Variants in GPHN observed in about 807,000 individuals in gnomAD.
GPHN encodes gephyrin.
GPHN carries 17 observed loss-of-function variants against 95.5 expected under a neutral mutation model. The ratio of observed to expected loss-of-function variants is 0.18; its 90% CI spans 0.12 to 0.27. GPHN has a LOEUF of 0.27. Ranked by LOEUF, GPHN falls within the 10% of genes least tolerant of loss-of-function variation. The probability of loss-of-function intolerance (pLI) is 1.00; values close to 1 mark genes in which losing one functional copy is unlikely to be tolerated. For synonymous variants in GPHN, 320 were observed against 322.5 expected (o/e 0.99, Z 0.08); for missense variants, 660 against 978.1 (o/e 0.67, Z 4.34).
intron 21 of GPHN, among the ~76,000 whole-genome samples, chr14:67,176,349 C>T (rs982840930): frequency 6.6e-6 from 1 of 152,052 alleles, no homozygotes; most frequent in South Asian, 2.1e-4. Context: ...TGGTTTTTGT[C>T]GTTGGTTCTG....
At chr14:66,783,001 A>G (rs886601748) in intron 3 of GPHN, among the ~76,000 whole-genome samples, 9 of 152,196 alleles carry the variant, frequency 5.9e-5, no homozygotes, top group Non-Finnish European at 2.9e-5. Context: ...TGGACAGGAT[A>G]CTGAAGAAAG....
the GPHN span, chr14:67,674,560 G>A: frequency 7.2e-7 from 1 of 1,389,934 alleles, no homozygotes; most frequent in African/African-American, 1.5e-5. Context: ...CCGGCGGTCA[G>A]CCGCCCAGCC....
At chr14:66,917,412 T>C (rs1180665800) in intron 6 of GPHN, among the ~76,000 whole-genome samples, 1 of 152,168 alleles carries the variant, frequency 6.6e-6, no homozygotes, top group Non-Finnish European at 1.5e-5. Flanking sequence ...TAAGAAACAA[T>C]GTCATCTCTT....
intron 1 of GPHN, among the ~76,000 whole-genome samples, chr14:66,651,808 A>G (rs1021303898): frequency 6.6e-6 from 1 of 151,804 alleles, no homozygotes; most frequent in African/African-American, 2.4e-5. Context: ...TAAGCAACAC[A>G]TTTTGGGCGT....
intron 9 of GPHN, among the ~76,000 whole-genome samples, chr14:67,002,120 A>G (rs1341199988): frequency 1.3e-5 from 2 of 151,664 alleles, no homozygotes; most frequent in East Asian, 3.9e-4. Context: ...AAAGATGTTG[A>G]CATTCTATAT....
chr14:67,667,368 C>T, the GPHN span, among the ~76,000 whole-genome samples: 1 of 152,104 alleles, frequency 6.6e-6, no homozygotes, highest in Non-Finnish European at 1.5e-5. Flanking sequence ...GACTTACACC[C>T]TTTATTTGTA....
the GPHN span, among the ~76,000 whole-genome samples, chr14:67,216,004 T>G: frequency 1.3e-5 from 2 of 152,186 alleles, no homozygotes; most frequent in Non-Finnish European, 2.9e-5. Context: ...CTTTATTTTT[T>G]GCGTGCAGTT....
chr14:67,019,994 G>A (rs2073519603), intron 9 of GPHN, among the ~76,000 whole-genome samples: 1 of 152,120 alleles, frequency 6.6e-6, no homozygotes. Context: ...TGTACAAGTG[G>A]GGTGGAGGGT....
intron 18 of GPHN, among the ~76,000 whole-genome samples, chr14:67,146,525 C>A (rs2080906109): frequency 6.6e-6 from 1 of 152,120 alleles, no homozygotes; most frequent in East Asian, 1.9e-4. Flanking sequence ...AACTGGACAC[C>A]AGTGACCTTT....
chr14:67,515,289 C>CCCCACGCCGCCTGGCACT, the GPHN span: 2 of 153,404 alleles, frequency 1.3e-5, no homozygotes, highest in Non-Finnish European at 2.9e-5. Flanking sequence ...GCCGTGCCTC[C>CCCCACGCCGCCTGGCACT]CCCACGCCGC....
intron 1 of GPHN, among the ~76,000 whole-genome samples, chr14:66,562,359 G>T (rs1338771828): frequency 1.3e-5 from 2 of 152,024 alleles, no homozygotes; most frequent in East Asian, 3.9e-4. Flanking sequence ...TGAGGTGATG[G>T]ATACATTAAT....
chr14:67,158,660 C>A (rs1316777829), intron 18 of GPHN, among the ~76,000 whole-genome samples: 1 of 152,018 alleles, frequency 6.6e-6, no homozygotes, highest in Non-Finnish European at 1.5e-5. Flanking sequence ...TTAAGGAGTG[C>A]AATTTTTTTC....
chr14:67,302,883 C>G, the GPHN span, among the ~76,000 whole-genome samples: 1 of 152,106 alleles, frequency 6.6e-6, no homozygotes, highest in Non-Finnish European at 1.5e-5. Flanking sequence ...GAAACAGTAA[C>G]AAAACAAAGT....
the GPHN span, chr14:67,615,613 A>C: frequency 1.1e-5 from 6 of 551,282 alleles, no homozygotes; most frequent in African/African-American, 1.1e-4. Context: ...GTTTTCTAAG[A>C]AGTGCTTAGT....
chr14:67,236,980 A>C, the GPHN span, among the ~76,000 whole-genome samples: 206 of 152,130 alleles, frequency 1.4e-3, 2 homozygotes, highest in Non-Finnish European at 2.2e-3. Flanking sequence ...AATCCCAGCT[A>C]CTGGGAGGCT....
chr14:66,677,476 C>T (rs2066672628), intron 1 of GPHN, among the ~76,000 whole-genome samples: 1 of 152,030 alleles, frequency 6.6e-6, no homozygotes, highest in African/African-American at 2.4e-5. Flanking sequence ...TGTTTCAAGA[C>T]TTCTTTGGTG....
chr14:66,649,959 T>A (rs1201346275), intron 1 of GPHN, among the ~76,000 whole-genome samples: 2 of 152,114 alleles, frequency 1.3e-5, no homozygotes, highest in African/African-American at 4.8e-5. Context: ...CACACTTTTC[T>A]TAGTCAGAGT....
At chr14:66,513,935 G>A (rs988031408) in intron 1 of GPHN, among the ~76,000 whole-genome samples, 3 of 151,772 alleles carry the variant, frequency 2.0e-5, no homozygotes, top group South Asian at 2.1e-4. Context: ...TATACATTTC[G>A]AAAGAGTGTA....
chr14:67,198,024 C>A, the GPHN span: 1 of 1,005,222 alleles, frequency 9.9e-7, no homozygotes, highest in Non-Finnish European at 1.4e-6. Flanking sequence ...GGTGCAGTGC[C>A]AAGCATATCA....
Sources: gnomAD v4.1 joint callset for allele counts (sites outside exome capture counted in the v4.1 genomes callset) on GRCh38, gnomAD v4.1.1 for gene constraint, MANE v1.5 for transcripts, NCBI Gene and HGNC (gene_info 2026-07-23, HGNC 2026-07-21) for gene names.